Variants in PBX3 observed in about 807,000 individuals in gnomAD.
The protein encoded by PBX3 is PBX homeobox 3, also known as pre-B-cell leukemia transcription factor 3.
A neutral mutation model predicts 48.5 loss-of-function variants in PBX3; 14 were observed. That is an observed-to-expected ratio of 0.29 (90% CI 0.19 to 0.45). PBX3 has a LOEUF of 0.45. Among genes scored for constraint, PBX3 ranks in the 20% least tolerant of loss-of-function variants. PBX3 has a pLI of 1.00. For missense variants in PBX3, 386 were observed against 546.7 expected, an observed-to-expected ratio of 0.71 and a Z score of 2.93; for synonymous variants, 210 against 200.3, an observed-to-expected ratio of 1.05 and a Z score of -0.41.
At chr9:125,909,456 A>G (rs1393703391) in intron 2 of PBX3, among the ~76,000 whole-genome samples, 2 of 152,166 alleles carry the variant, frequency 1.3e-5, no homozygotes, top group Non-Finnish European at 2.9e-5. Flanking sequence ...AGTATAATCA[A>G]TACTTTTTTG....
chr9:125,852,395 T>A (rs1839607677), intron 2 of PBX3, among the ~76,000 whole-genome samples: 1 of 152,204 alleles, frequency 6.6e-6, no homozygotes, highest in Non-Finnish European at 1.5e-5. Flanking sequence ...ATGTTGCTTC[T>A]TACTACCTGT....
intron 2 of PBX3, among the ~76,000 whole-genome samples, chr9:125,893,586 C>A (rs1017282359): frequency 8.7e-5 from 9 of 104,010 alleles, no homozygotes; most frequent in African/African-American, 2.4e-4. Flanking sequence ...CAGAAGAGCC[C>A]CATGTGATTG....
intron 2 of PBX3, among the ~76,000 whole-genome samples, chr9:125,843,387 T>G (rs1839338260): frequency 1.3e-5 from 2 of 152,128 alleles, no homozygotes; most frequent in African/African-American, 4.8e-5. Flanking sequence ...TTCTTATTTA[T>G]ATAATTTGGG....
intron 2 of PBX3, among the ~76,000 whole-genome samples, chr9:125,905,388 A>G (rs1227405012): frequency 6.6e-6 from 1 of 151,934 alleles, no homozygotes; most frequent in African/African-American, 2.4e-5. Flanking sequence ...ACTGCATTTA[A>G]TTGCTGTTAT....
chr9:125,949,523 A>G (rs1588331366), intron 5 of PBX3: 28 of 1,538,470 alleles, frequency 1.8e-5, no homozygotes, highest in East Asian at 4.9e-5. Context: ...ATGGACCTAT[A>G]CTGTGTATAT....
chr9:125,780,777 AC>A (rs1416288583), intron 2 of PBX3, among the ~76,000 whole-genome samples: 7 of 83,398 alleles, frequency 8.4e-5, no homozygotes, highest in African/African-American at 1.5e-4. Context: ...CGGGGGGCTG[AC>A]CCCCCCACCT....
chr9:125,790,193 C>T (rs561875976), intron 2 of PBX3, among the ~76,000 whole-genome samples: 1 of 152,162 alleles, frequency 6.6e-6, no homozygotes, highest in East Asian at 1.9e-4. Context: ...TAATTTTGAT[C>T]TCTAATATCT....
At chr9:125,777,000 TTTTTCTTTTC>T (rs959208016) in intron 2 of PBX3, among the ~76,000 whole-genome samples, 2 of 139,310 alleles carry the variant, frequency 1.4e-5, no homozygotes, top group Non-Finnish European at 3.0e-5. Flanking sequence ...TGACACATGA[TTTTTCTTTTC>T]TTTTCTTTTT....
At chr9:125,886,612 ACAG>A in intron 2 of PBX3, among the ~76,000 whole-genome samples, 1 of 152,280 alleles carries the variant, frequency 6.6e-6, no homozygotes, top group Middle Eastern at 3.4e-3. Context: ...AGGAGAAAGG[ACAG>A]CAGCAGAACG....
intron 2 of PBX3, among the ~76,000 whole-genome samples, chr9:125,885,303 A>G (rs1266857804): frequency 6.6e-6 from 1 of 152,148 alleles, no homozygotes; most frequent in Non-Finnish European, 1.5e-5. Context: ...GTGATCATAA[A>G]TATTTAGGGC....
At chr9:125,944,553 G>T (rs752255126) in intron 5 of PBX3, among the ~76,000 whole-genome samples, 1 of 152,152 alleles carries the variant, frequency 6.6e-6, no homozygotes, top group Non-Finnish European at 1.5e-5. Context: ...AGGCACAAAT[G>T]GATGCCATGT....
At chr9:125,960,949 TGGA>T (rs755183460) in intron 6 of PBX3, 100 bp downstream of exon 6, 785,826 of 1,195,576 alleles carry the variant, frequency 0.66, 265,794 homozygotes, top group South Asian at 0.72. Flanking sequence ...GAGGACAGAG[TGGA>T]CTTAAAAAGG....
chr9:125,779,436 T>G (rs1451616795), intron 2 of PBX3, among the ~76,000 whole-genome samples: 1 of 135,010 alleles, frequency 7.4e-6, no homozygotes, highest in South Asian at 2.6e-4. Flanking sequence ...CCTGGGTACT[T>G]GAGATTAGGG....
At chr9:125,784,785 G>C (rs981945441) in intron 2 of PBX3, among the ~76,000 whole-genome samples, 2 of 152,078 alleles carry the variant, frequency 1.3e-5, no homozygotes, top group Non-Finnish European at 2.9e-5. Flanking sequence ...CTCTGTTTGG[G>C]GACATTCCTT....
At chr9:125,776,866 C>A (rs1009655986) in intron 2 of PBX3, among the ~76,000 whole-genome samples, 3 of 152,114 alleles carry the variant, frequency 2.0e-5, no homozygotes, top group African/African-American at 7.2e-5. Flanking sequence ...ATATTACTTT[C>A]ATCATGGAAT....
chr9:125,803,322 A>G (rs1402653915), intron 2 of PBX3, among the ~76,000 whole-genome samples: 2 of 151,838 alleles, frequency 1.3e-5, no homozygotes, highest in Admixed American at 1.3e-4. Flanking sequence ...TCCTGACCTC[A>G]AGTGATCCAC....
intron 2 of PBX3, among the ~76,000 whole-genome samples, chr9:125,864,777 T>C (rs1390348507): frequency 1.3e-5 from 2 of 152,196 alleles, no homozygotes; most frequent in Admixed American, 6.5e-5. Flanking sequence ...TGCCCGTCGC[T>C]CACCTCTTGC....
chr9:125,916,276 A>G (rs571449533), intron 3 of PBX3, among the ~76,000 whole-genome samples: 67 of 152,282 alleles, frequency 4.4e-4, no homozygotes, highest in African/African-American at 1.6e-3. Context: ...AGCCTTGTTC[A>G]TAAGCTTTAA....
intron 2 of PBX3, among the ~76,000 whole-genome samples, chr9:125,914,885 A>G (rs1024969974): frequency 6.6e-6 from 1 of 152,182 alleles, no homozygotes; most frequent in African/African-American, 2.4e-5. Context: ...ACCTGATTAA[A>G]CCTATGAATT....
Sources: gnomAD v4.1 joint callset for allele counts (sites outside exome capture counted in the v4.1 genomes callset) on GRCh38, gnomAD v4.1.1 for gene constraint, MANE v1.5 for transcripts, NCBI Gene and HGNC (gene_info 2026-07-23, HGNC 2026-07-21) for gene names.